The following KCNH1 variants were observed in gnomAD, a reference collection of about 807,000 sequenced individuals.
KCNH1 encodes voltage-gated delayed rectifier potassium channel KCNH1.
Under a neutral mutation model 69.2 loss-of-function variants are expected in KCNH1, and 27 were observed. The observed-to-expected ratio is 0.39, with a 90% CI of 0.29 to 0.54. KCNH1 has a LOEUF of 0.54. KCNH1 is among the 20% of genes least tolerant of loss of function. The pLI is 0.68. For missense variants in KCNH1, 798 were observed against 1,261.6 expected (o/e 0.63, Z 5.57); for synonymous variants, 456 against 487.7 (o/e 0.93, Z 0.86).
chr1:211,133,859 C>T lies in KCNH1; in HGVS notation c.79+8G>A. The T allele has an allele frequency of 1.2e-6, 2 of 1,607,236 alleles. No homozygotes were observed. Among genetic ancestry groups the T allele is most frequent in the Non-Finnish European group, 1.7e-6 (2 of 1,176,978 alleles). ...CCCGGGTAATCGAAATCCGAATGCA[C>T]CTCTTACCATTGGACCGCCGAACAA... On this transcript the variant is annotated splice_region_variant and intron_variant, in intron 1 of 10. Coordinates refer to ENST00000271751, the MANE Select transcript of KCNH1 (RefSeq NM_172362.3). This position sits in a 1 kb window ranked among gnomAD's most constrained non-coding sequence, Gnocchi z 5.4.
intron 7 of KCNH1, among the ~76,000 whole-genome samples, chr1:210,818,498 C>G (rs181950071): frequency 6.6e-6 from 1 of 152,112 alleles, no homozygotes; most frequent in Admixed American, 6.6e-5. Flanking sequence ...TGACTTGGAG[C>G]AAAACACTTA....
intron 10 of KCNH1, among the ~76,000 whole-genome samples, chr1:210,767,310 G>A (rs550605851): frequency 6.6e-6 from 1 of 152,318 alleles, no homozygotes; most frequent in African/African-American, 2.4e-5. Flanking sequence ...TAAGAGGTGG[G>A]AGGGGAGCTG....
intron 10 of KCNH1, among the ~76,000 whole-genome samples, chr1:210,742,473 G>A (rs1469329595): frequency 6.6e-6 from 1 of 152,180 alleles, no homozygotes; most frequent in East Asian, 1.9e-4. Context: ...TTTCCTATGG[G>A]CTCAAGGAGG....
At chr1:211,017,596 A>C (rs1327254105) in intron 6 of KCNH1, among the ~76,000 whole-genome samples, 1 of 152,212 alleles carries the variant, frequency 6.6e-6, no homozygotes, top group African/African-American at 2.4e-5. Flanking sequence ...GACAATTCCC[A>C]TAGAACACAA....
intron 9 of KCNH1, among the ~76,000 whole-genome samples, chr1:210,795,962 A>AAAACAC (rs377406387): frequency 1.5e-5 from 2 of 135,984 alleles, no homozygotes; most frequent in Non-Finnish European, 3.1e-5. Flanking sequence ...CTCTACTAAA[A>AAAACAC]ACACACACAC....
At chr1:210,855,645 C>G (rs1685817173) in intron 7 of KCNH1, among the ~76,000 whole-genome samples, 2 of 152,204 alleles carry the variant, frequency 1.3e-5, no homozygotes, top group Admixed American at 6.5e-5. Flanking sequence ...GACAGCGAAG[C>G]CCAGTCTCAG....
chr1:211,022,124 A>G (rs575618429), intron 5 of KCNH1, among the ~76,000 whole-genome samples: 10 of 152,214 alleles, frequency 6.6e-5, no homozygotes, highest in Non-Finnish European at 1.5e-4. Flanking sequence ...GCATAAAAAC[A>G]GACACATAGA....
intron 1 of KCNH1, among the ~76,000 whole-genome samples, chr1:211,109,275 G>A (rs1029896437): frequency 7.2e-5 from 11 of 152,184 alleles, no homozygotes; most frequent in African/African-American, 2.7e-4. Flanking sequence ...GGTAGACAAA[G>A]GGCAGCCAGG....
At chr1:210,690,064 C>G (rs1681496084) in intron 10 of KCNH1, among the ~76,000 whole-genome samples, 1 of 152,212 alleles carries the variant, frequency 6.6e-6, no homozygotes, top group African/African-American at 2.4e-5. Flanking sequence ...CCAGACTCAG[C>G]CCTCCTAGGT....
chr1:210,896,429 G>A (rs760305980), intron 7 of KCNH1, among the ~76,000 whole-genome samples: 12 of 152,130 alleles, frequency 7.9e-5, no homozygotes, highest in South Asian at 2.1e-4. Context: ...TGTGATAGAC[G>A]TAACATCAAA....
chr1:211,092,049 T>C (rs1419542675), intron 3 of KCNH1, among the ~76,000 whole-genome samples: 1 of 152,248 alleles, frequency 6.6e-6, no homozygotes, highest in African/African-American at 2.4e-5. Flanking sequence ...ATACTTAGCA[T>C]ACTATTTTAT....
At chr1:210,856,111 G>T (rs1685829858) in intron 7 of KCNH1, among the ~76,000 whole-genome samples, 2 of 152,110 alleles carry the variant, frequency 1.3e-5, no homozygotes, top group Admixed American at 1.3e-4. Flanking sequence ...TATAGAAAAA[G>T]AGTTCCAAAC....
chr1:211,098,162 C>CA (rs895350530), intron 3 of KCNH1, among the ~76,000 whole-genome samples: 7 of 149,882 alleles, frequency 4.7e-5, no homozygotes, highest in African/African-American at 1.2e-4. Context: ...TACAAAAATA[C>CA]AAAAAAAAAT....
chr1:211,005,030 G>A (rs1350359631), intron 6 of KCNH1, among the ~76,000 whole-genome samples: 1 of 151,988 alleles, frequency 6.6e-6, no homozygotes, highest in East Asian at 1.9e-4. Flanking sequence ...GGAAGAAAGA[G>A]CGAATAAGAG....
chr1:210,689,652 T>G lies in KCNH1; in HGVS notation c.2113-5514A>C, dbSNP rs532197377. Reference sequence around the variant, plus strand: ...TGGGTTCAGACACACGTCCCCAGTCTGAAATGCTCAGCAGTAGAAAGAGCA... The same window carrying G: ...TGGGTTCAGACACACGTCCCCAGTCGGAAATGCTCAGCAGTAGAAAGAGCA... On this transcript the variant is annotated intron_variant, in intron 10 of 10. Transcript: ENST00000271751. Among the ~76,000 whole-genome samples, 5 of 152,362 alleles carry G rather than the reference T, an allele frequency of 3.3e-5. No homozygotes were observed. The East Asian group carries it at 9.6e-4, about 29-fold the overall frequency.
At chr1:211,074,281 C>T (rs1690696156) in intron 5 of KCNH1, among the ~76,000 whole-genome samples, 1 of 151,462 alleles carries the variant, frequency 6.6e-6, no homozygotes, top group Non-Finnish European at 1.5e-5. Context: ...TATAATTTTT[C>T]CTTAATTTGG....
rs762411855 is a variant in KCNH1 at position 210,804,120 on chromosome 1, T to C, written c.1509A>G (p.Gln503=). Residue 503 remains glutamine, a synonymous_variant, in exon 8 of 11, where the codon CAA becomes CAG. Coordinates refer to ENST00000271751, the MANE Select transcript of KCNH1 (RefSeq NM_172362.3). The part of the protein sequence containing the change: ...TIFGNVTTIF[Q]QMYANTNRYH... ...ATCTGTTGGTGTTGGCATACATCTG[T>C]TGGAAAATAGTCGTCACATTCCCGA... The C allele has an allele frequency of 1.2e-6, 2 of 1,614,144 alleles. No individual in the cohort carries two copies. Among genetic ancestry groups the C allele is most frequent in the African/African-American group, 1.3e-5 (1 of 75,058 alleles).
chr1:210,994,036 ATATC>A (rs1213520773), intron 6 of KCNH1, among the ~76,000 whole-genome samples: 1 of 152,182 alleles, frequency 6.6e-6, no homozygotes, highest in Non-Finnish European at 1.5e-5. Flanking sequence ...CATAAAGAAA[ATATC>A]TAAAGTTTAA....
At chr1:210,951,992 A>C (rs563947029) in intron 6 of KCNH1, among the ~76,000 whole-genome samples, 1 of 151,580 alleles carries the variant, frequency 6.6e-6, no homozygotes, top group South Asian at 2.1e-4. Flanking sequence ...ACTCTTTGTC[A>C]CTCCCTGAGG....
Sources: allele counts gnomAD v4.1 joint callset (sites outside exome capture counted in the v4.1 genomes callset), GRCh38; gene constraint gnomAD v4.1.1; non-coding constraint Gnocchi (gnomAD v3.1); transcripts MANE v1.5; gene names NCBI Gene and HGNC (gene_info 2026-07-23, HGNC 2026-07-21).